LEKR1: variants seen among roughly 807,000 people sequenced by gnomAD.
The protein encoded by LEKR1 is protein LEKR1.
Under a neutral mutation model 72.4 loss-of-function variants are expected in LEKR1, and 59 were observed. That is an observed-to-expected ratio of 0.82 (90% CI 0.66 to 1.01). The LOEUF (loss-of-function observed/expected upper bound fraction) is 1.01, where lower values mean the gene tolerates loss of function less well. Among genes scored for constraint, LEKR1 ranks in the 50% least tolerant of loss-of-function variants. LEKR1 has a pLI of 0.00. For missense variants in LEKR1, 728 were observed against 759.2 expected (o/e 0.96, Z 0.48); for synonymous variants, 257 against 263.2 (o/e 0.98, Z 0.23).
At chr3:156,990,528 T>C (rs1731070008) in intron 7 of LEKR1, among the ~76,000 whole-genome samples, 1 of 152,220 alleles carries the variant, frequency 6.6e-6, no homozygotes, top group Admixed American at 6.5e-5. Context: ...TGCTAAATGA[T>C]GACTTTTTAA....
rs1726689824 is a variant in LEKR1 at position 156,946,507 on chromosome 3, T to G, written c.745+3793T>G. On this transcript the variant is annotated intron_variant, in intron 6 of 12. Coordinates refer to ENST00000356539, the MANE Select transcript of LEKR1 (RefSeq NM_001004316.3). ...ATAATGGTGGTGAAAGTGGGCATCC[T>G]TGTTGTGTTCCAGACTTAGAGGAAA... Among the ~76,000 whole-genome samples the G allele has an allele frequency of 1.3e-5, 2 of 151,574 alleles. 1 individual carries two copies. Among genetic ancestry groups the G allele is most frequent in the South Asian group, 4.1e-4 (2 of 4,826 alleles).
chr3:156,933,370 G>A (rs539449717), intron 5 of LEKR1, among the ~76,000 whole-genome samples: 4 of 152,062 alleles, frequency 2.6e-5, no homozygotes, highest in Non-Finnish European at 5.9e-5. Flanking sequence ...AACATTTTAA[G>A]AAACTACCCA....
At chr3:156,917,097 G>A (rs1420514454) in intron 3 of LEKR1, among the ~76,000 whole-genome samples, 2 of 152,014 alleles carry the variant, frequency 1.3e-5, no homozygotes, top group African/African-American at 4.8e-5. Flanking sequence ...AAGAAAAGGG[G>A]CAATTAAAAA....
chr3:156,939,415 A>T (rs1221811033), intron 5 of LEKR1, among the ~76,000 whole-genome samples: 1 of 152,184 alleles, frequency 6.6e-6, no homozygotes, highest in African/African-American at 2.4e-5. Context: ...TGAGAAAATA[A>T]ATTTCTGTTG....
At chr3:156,846,462 G>GT (rs1714615286) in intron 2 of LEKR1, among the ~76,000 whole-genome samples, 1 of 145,664 alleles carries the variant, frequency 6.9e-6, no homozygotes, top group Non-Finnish European at 1.5e-5. Context: ...TTTTTTTTTT[G>GT]TAAGTGCCCT....
intron 3 of LEKR1, among the ~76,000 whole-genome samples, chr3:156,880,849 T>C (rs571317019): frequency 5.0e-4 from 76 of 152,236 alleles, no homozygotes; most frequent in African/African-American, 1.8e-3. Context: ...GTTCAATATA[T>C]GCAAATCAAT....
intron 2 of LEKR1, among the ~76,000 whole-genome samples, chr3:156,831,754 C>T (rs1178205233): frequency 6.6e-6 from 1 of 152,116 alleles, no homozygotes; most frequent in African/African-American, 2.4e-5. Context: ...CAATTATCTC[C>T]CACCAGGTCC....
At chr3:156,889,185 A>G (rs1720405219) in intron 3 of LEKR1, among the ~76,000 whole-genome samples, 1 of 152,062 alleles carries the variant, frequency 6.6e-6, no homozygotes, top group African/African-American at 2.4e-5. Flanking sequence ...GCCTGATGTT[A>G]TATGCTATTA....
chr3:156,871,524 G>A (rs1009138647), intron 3 of LEKR1, among the ~76,000 whole-genome samples: 3 of 152,072 alleles, frequency 2.0e-5, no homozygotes, highest in Non-Finnish European at 2.9e-5. Context: ...TCCCTGAGGA[G>A]TCGCCACACT....
At chr3:156,888,682 T>C (rs1172778626) in intron 3 of LEKR1, among the ~76,000 whole-genome samples, 1 of 152,232 alleles carries the variant, frequency 6.6e-6, no homozygotes, top group Non-Finnish European at 1.5e-5. Context: ...TTAGCCTGTC[T>C]TTATTTTTCA....
At chr3:157,040,157 A>T (rs1310989457) in intron 12 of LEKR1, among the ~76,000 whole-genome samples, 1 of 152,144 alleles carries the variant, frequency 6.6e-6, no homozygotes, top group East Asian at 1.9e-4. Flanking sequence ...ATATATTGAG[A>T]AATTTTTGTA....
At chr3:156,923,984 C>G (rs1321824738) in intron 4 of LEKR1, among the ~76,000 whole-genome samples, 2 of 152,200 alleles carry the variant, frequency 1.3e-5, no homozygotes, top group Non-Finnish European at 2.9e-5. Context: ...ACCTCAGCCT[C>G]CCAAAGTGCT....
At chr3:156,848,150 C>T (rs1350282431) in intron 2 of LEKR1, among the ~76,000 whole-genome samples, 1 of 152,042 alleles carries the variant, frequency 6.6e-6, no homozygotes, top group African/African-American at 2.4e-5. Flanking sequence ...GCAAGATGGG[C>T]AAAAATTTTA....
intron 2 of LEKR1, among the ~76,000 whole-genome samples, chr3:156,841,300 C>T (rs893781212): frequency 6.6e-6 from 1 of 152,174 alleles, no homozygotes; most frequent in Non-Finnish European, 1.5e-5. Context: ...TGTTTAACAA[C>T]TTCAGTGTTT....
intron 3 of LEKR1, chr3:156,853,261 TTTA>T (rs1715620884): frequency 4.7e-6 from 1 of 210,890 alleles, no homozygotes. Flanking sequence ...TATCTTACGT[TTTA>T]TTATTAGGAA....
At chr3:156,880,931 C>G (rs1190789112) in intron 3 of LEKR1, among the ~76,000 whole-genome samples, 1 of 152,106 alleles carries the variant, frequency 6.6e-6, no homozygotes, top group Non-Finnish European at 1.5e-5. Context: ...GCAGAAAAGG[C>G]CTTCGACAAA....
intron 6 of LEKR1, among the ~76,000 whole-genome samples, chr3:156,960,286 G>A (rs910025845): frequency 6.6e-6 from 1 of 152,020 alleles, no homozygotes; most frequent in Non-Finnish European, 1.5e-5. Context: ...TGTTTGGTTG[G>A]TTGGTTGGTT....
In LEKR1 at chr3:157,028,038, C is replaced by A. The variant is rs541251608; in HGVS notation, c.1369-65C>A. ...TTAATGAAAATAAACCTCTTAAAAA[C>A]CATAAGAATTCTGTGGTTACCTAGA... is the stretch of plus-strand genomic sequence containing the variant. On this transcript the variant is annotated intron_variant, in intron 11 of 12. Coordinates refer to ENST00000356539, the MANE Select transcript of LEKR1 (RefSeq NM_001004316.3). 104 of 1,116,328 alleles carry A rather than the reference C, an allele frequency of 9.3e-5. No homozygotes were observed. In the African/African-American group the frequency reaches 1.5e-3, roughly 16 times the overall value. 69.2% of individuals were successfully genotyped at this position (1,116,328 alleles called of 1,614,324 possible).
At chr3:156,879,478 A>G (rs1376774155) in intron 3 of LEKR1, among the ~76,000 whole-genome samples, 1 of 152,200 alleles carries the variant, frequency 6.6e-6, no homozygotes, top group Non-Finnish European at 1.5e-5. Flanking sequence ...TCAAAGGGAA[A>G]CAGCATAAAA....
Sources: allele counts gnomAD v4.1 joint callset (sites outside exome capture counted in the v4.1 genomes callset), GRCh38; gene constraint gnomAD v4.1.1; transcripts MANE v1.5; gene names NCBI Gene and HGNC (gene_info 2026-07-23, HGNC 2026-07-21).